DNMT3A: variants seen among roughly 807,000 people sequenced by gnomAD.
The protein encoded by DNMT3A is DNA methyltransferase 3 alpha.
In DNMT3A, 267 loss-of-function variants were observed where a neutral mutation model predicts 117.6. The observed-to-expected ratio is 2.27, with a 90% CI of 2.05 to 2.51. The LOEUF is 2.51. Among genes scored for constraint, DNMT3A ranks in the 30% most tolerant of loss-of-function variants. The pLI is 0.00. For missense variants in DNMT3A, 1,029 were observed against 1,260.2 expected, an observed-to-expected ratio of 0.82 and a Z score of 2.78; for synonymous variants, 432 against 474.8, an observed-to-expected ratio of 0.91 and a Z score of 1.17.
At chr2:25,269,339 A>C (rs1184398902) in intron 6 of DNMT3A, among the ~76,000 whole-genome samples, 1 of 152,120 alleles carries the variant, frequency 6.6e-6, no homozygotes, top group African/African-American at 2.4e-5. Context: ...ACAAACAAAC[A>C]AACCCCAGTG....
chr2:25,307,147 C>T lies in DNMT3A; in HGVS notation c.72+6766G>A, dbSNP rs116599650. Among the ~76,000 whole-genome samples, 1,037 of 152,342 alleles carry T rather than the reference C, an allele frequency of 6.8e-3. 15 individuals carry two copies. Among genetic ancestry groups the T allele is most frequent in the African/African-American group, 0.024 (989 of 41,572 alleles). On this transcript the variant is annotated intron_variant, in intron 2 of 22. Transcript: ENST00000321117. ...TTACCGTGCAGAGAACACTCCTTTA[C>T]ATGCCCTTCCATGCAGCACAAACAT... is the stretch of plus-strand genomic sequence containing the variant.
intron 6 of DNMT3A, among the ~76,000 whole-genome samples, chr2:25,264,464 TTTTTG>T (rs1215885461): frequency 2.0e-5 from 3 of 149,148 alleles, no homozygotes; most frequent in African/African-American, 7.5e-5. Context: ...TAAAAAGAGT[TTTTTG>T]TTTTGTTTTT....
chr2:25,269,904 A>G (rs751610694), intron 6 of DNMT3A, among the ~76,000 whole-genome samples: 60 of 152,140 alleles, frequency 3.9e-4, no homozygotes, highest in Non-Finnish European at 8.1e-4. Flanking sequence ...GAAAGCCTGA[A>G]GGGGGTAATC....
chr2:25,277,110 G>C lies in DNMT3A; in HGVS notation c.449-1567C>G, dbSNP rs180813127. 4.2e-3 allele frequency among the ~76,000 whole-genome samples: 639 copies of C among 152,306 alleles called. 5 individuals carry two copies. The highest frequency in any genetic ancestry group is 0.014 in the African/African-American group (583 of 41,578). On this transcript the variant is annotated intron_variant, in intron 4 of 22. Transcript: ENST00000321117. ...GGGCCTGGCGCCGGGCTCAGCCCGCGGGGGCCGCGTGGGCGGGGACGGGGC... is the reference window on the plus strand; with the variant it reads ...GGGCCTGGCGCCGGGCTCAGCCCGCCGGGGCCGCGTGGGCGGGGACGGGGC...
At chr2:25,287,763 A>G (rs2032425816) in intron 3 of DNMT3A, among the ~76,000 whole-genome samples, 1 of 151,452 alleles carries the variant, frequency 6.6e-6, no homozygotes, top group African/African-American at 2.4e-5. Context: ...GTCCAGACAA[A>G]ATGGCAATAA....
At position 25,304,675 on chromosome 2, in the gene DNMT3A, G is replaced by A. The variant is rs1049055451; in HGVS notation, c.73-4432C>T. Among the ~76,000 whole-genome samples, 7 of 152,238 alleles carry A rather than the reference G, an allele frequency of 4.6e-5. No individual in the cohort carries two copies. Among genetic ancestry groups the A allele is most frequent in the Non-Finnish European group, 1.0e-4 (7 of 68,044 alleles). ...CAGGAGGATCCAGCCAAGCTCCTCA[G>A]CTCATGTGCAGGGCGGTCCCCAGGA... is the stretch of plus-strand genomic sequence containing the variant. On this transcript the variant is annotated intron_variant, in intron 2 of 22. Transcript: ENST00000321117. The surrounding 1 kb of genome is among the most constrained non-coding windows in gnomAD (Gnocchi z 4.3).
At chr2:25,308,038 C>T (rs1478446189) in intron 2 of DNMT3A, among the ~76,000 whole-genome samples, 1 of 152,164 alleles carries the variant, frequency 6.6e-6, no homozygotes. Context: ...AGACAACATT[C>T]CCTTCACGTG....
Position 25,311,550 on chromosome 2 carries a change from C to T in DNMT3A, c.72+2363G>A, listed in dbSNP as rs540264143. 1.5e-4 allele frequency among the ~76,000 whole-genome samples: 23 copies of T among 152,312 alleles called. No homozygotes were observed. The highest frequency in any genetic ancestry group is 5.3e-4 in the African/African-American group (22 of 41,554). On this transcript the variant is annotated intron_variant, in intron 2 of 22. Transcript: ENST00000321117. This position sits in a 1 kb window ranked among gnomAD's most constrained non-coding sequence, Gnocchi z 5.2. ...GATCACTGCCATCTTTTGGCATGAC[C>T]CCTCCTGCTGGGGTGTGAGTGTGCA...
chr2:25,247,765 G>A lies in DNMT3A; in HGVS notation c.856-16C>T, dbSNP rs1164585183. ...CCCGGCCGTCCTGGAGCCCCAAGGA[G>A]CAGAAATCATTACACAGTGGTCACG... On this transcript the variant is annotated splice_polypyrimidine_tract_variant and intron_variant, in intron 7 of 22. Transcript: ENST00000321117. This position sits in a 1 kb window ranked among gnomAD's most constrained non-coding sequence, Gnocchi z 5.6. The A allele has an allele frequency of 6.2e-7, 1 of 1,610,362 alleles. No homozygotes were observed. Among genetic ancestry groups the A allele is most frequent in the African/African-American group, 1.3e-5 (1 of 75,026 alleles).
intron 6 of DNMT3A, among the ~76,000 whole-genome samples, chr2:25,250,658 C>G (rs1675412094): frequency 6.6e-6 from 1 of 152,242 alleles, no homozygotes; most frequent in Admixed American, 6.5e-5. Context: ...GTCAGCTACC[C>G]TCGCAGAGGA....
At chr2:25,330,812 A>C (rs774743383) in intron 1 of DNMT3A, among the ~76,000 whole-genome samples, 8 of 152,200 alleles carry the variant, frequency 5.3e-5, no homozygotes, top group Non-Finnish European at 8.8e-5. Flanking sequence ...ATTAAAAAGA[A>C]AACAGGAACT....
chr2:25,234,342 T>A lies in DNMT3A; in HGVS notation c.2676A>T (p.Ser892=), dbSNP rs763189481. The part of the protein sequence containing the change: ...RLARQRLLGR[S]WSVPVIRHLF... ...GGTGGCGGATGACTGGCACGCTCCA[T>A]GACCGGCCCAGCAGTCTCTGCCTCG... Residue 892 remains serine, a synonymous_variant, in exon 23 of 23, where the codon TCA becomes TCT. Transcript: ENST00000321117. This position sits in a 1 kb window ranked among gnomAD's most constrained non-coding sequence, Gnocchi z 4.5. 6.2e-7 allele frequency: 1 copy of A among 1,614,044 alleles called. No homozygotes were observed. Among genetic ancestry groups the A allele is most frequent in the Non-Finnish European group, 8.5e-7 (1 of 1,180,026 alleles).
At chr2:25,239,308 C>T in intron 19 of DNMT3A, 93 bp from the exon 20 acceptor site, 1 of 1,088,284 alleles carries the variant, frequency 9.2e-7, no homozygotes, top group Non-Finnish European at 1.4e-6. Flanking sequence ...GCCTCAAAGC[C>T]TCTTACTTCT....
At chr2:25,263,966 T>G (rs1196076890) in intron 6 of DNMT3A, among the ~76,000 whole-genome samples, 1 of 152,164 alleles carries the variant, frequency 6.6e-6, no homozygotes, top group East Asian at 1.9e-4. Context: ...TTCATTCATT[T>G]ACCTACCAAC....
At chr2:25,288,440 G>A (rs969879335) in intron 3 of DNMT3A, among the ~76,000 whole-genome samples, 7 of 151,786 alleles carry the variant, frequency 4.6e-5, no homozygotes, top group Admixed American at 1.3e-4. Flanking sequence ...CTGGAGTGCA[G>A]TGGTGTTATC....
chr2:25,307,727 C>A (rs13425457), intron 2 of DNMT3A, among the ~76,000 whole-genome samples: 2 of 152,286 alleles, frequency 1.3e-5, no homozygotes, highest in African/African-American at 4.8e-5. Flanking sequence ...TGGCCTCCCA[C>A]AGTGCTGGGA....
Position 25,337,628 on chromosome 2 carries a change from C to T in DNMT3A, c.-178+4198G>A, listed in dbSNP as rs767278422. Among the ~76,000 whole-genome samples the T allele has an allele frequency of 2.6e-5, 4 of 152,174 alleles. No individual in the cohort carries two copies. The highest frequency in any genetic ancestry group is 9.7e-5 in the African/African-American group (4 of 41,436). ...GCAAGTCCTACCCATCCACAGGTGG[C>T]GGCACACCACGTACACACACATCAT... On this transcript the variant is annotated intron_variant, in intron 1 of 22. Coordinates refer to ENST00000321117, the MANE Select transcript of DNMT3A (RefSeq NM_022552.5). This position sits in a 1 kb window ranked among gnomAD's most constrained non-coding sequence, Gnocchi z 5.0.
chr2:25,247,890 G>A lies in DNMT3A; in HGVS notation c.856-141C>T. ...CTCCATCTGAATGAGGCAAGACAGA[G>A]CAAAATCGGGGAGACGAAGAGGCCC... On this transcript the variant is annotated intron_variant, in intron 7 of 22. Transcript: ENST00000321117. This position sits in a 1 kb window ranked among gnomAD's most constrained non-coding sequence, Gnocchi z 5.6. 6.6e-7 allele frequency: 1 copy of A among 1,515,618 alleles called. No homozygotes were observed. The highest frequency in any genetic ancestry group is 1.2e-5 in the South Asian group (1 of 83,994). The allele number at this position is 1,515,618 out of a possible 1,614,324, so 93.9% of individuals were successfully genotyped here.
chr2:25,236,869 C>T lies in DNMT3A; in HGVS notation c.2478+67G>A, dbSNP rs959465861. 59 of 1,521,628 alleles carry T rather than the reference C, an allele frequency of 3.9e-5. No individual in the cohort carries two copies. Among genetic ancestry groups the T allele is most frequent in the Admixed American group, 7.9e-5 (4 of 50,542 alleles). The allele number at this position is 1,521,628 out of a possible 1,614,324, so 94.3% of individuals were successfully genotyped here. A position where few individuals can be genotyped will look rare whatever the true frequency, so the allele number is the denominator to read the frequency against. ...GCAGGCGGGACAAGGCCCTGGCCAC[C>T]GCTCCACCTCATCCTGCCCTTCCTT... is the stretch of plus-strand genomic sequence containing the variant. On this transcript the variant is annotated intron_variant, in intron 21 of 22. Coordinates refer to ENST00000321117, the MANE Select transcript of DNMT3A (RefSeq NM_022552.5). The surrounding 1 kb of genome is among the most constrained non-coding windows in gnomAD (Gnocchi z 4.5).
Sources: allele counts gnomAD v4.1 joint callset (sites outside exome capture counted in the v4.1 genomes callset), GRCh38; gene constraint gnomAD v4.1.1; non-coding constraint Gnocchi (gnomAD v3.1); transcripts MANE v1.5; gene names NCBI Gene and HGNC (gene_info 2026-07-23, HGNC 2026-07-21).